DOCK9: variants seen among roughly 807,000 people sequenced by gnomAD.
DOCK9 encodes the protein dedicator of cytokinesis 9.
In DOCK9, 89 loss-of-function variants were observed where a neutral mutation model predicts 263.3. The observed-to-expected ratio is 0.34, with a 90% CI of 0.28 to 0.40. The LOEUF (loss-of-function observed/expected upper bound fraction) is 0.40, where lower values mean the gene tolerates loss of function less well. Ranked by LOEUF, DOCK9 falls within the 10% of genes least tolerant of loss-of-function variation. DOCK9 has a pLI of 1.00. For missense variants in DOCK9, 2,140 were observed against 2,603.4 expected, an observed-to-expected ratio of 0.82 and a Z score of 3.87; for synonymous variants, 976 against 973.1, an observed-to-expected ratio of 1.00 and a Z score of -0.06.
At chr13:98,863,153 G>C (rs575505417) in intron 31 of DOCK9, 21 bp from the exon 32 acceptor site, 9 of 1,584,310 alleles carry the variant, frequency 5.7e-6, no homozygotes, top group Non-Finnish European at 7.7e-6. Flanking sequence ...GACACACATG[G>C]TAAGTTTGAC....
At position 98,860,257 on chromosome 13, in the gene DOCK9, G is replaced by A. The variant is rs1377379865; in HGVS notation, c.3697+148C>T. ...GCATGGCTGAGGGGTTTCAGTTGTT[G>A]ACTATCACAAGCAGGAAAAGAATAC... is the stretch of plus-strand genomic sequence containing the variant. On this transcript the variant is annotated intron_variant, in intron 33 of 52. Coordinates refer to ENST00000682017, the MANE Select transcript of DOCK9 (RefSeq NM_001366683.2). 7 of 1,464,710 alleles carry A rather than the reference G, an allele frequency of 4.8e-6. No individual in the cohort carries two copies. In the African/African-American group the frequency reaches 8.5e-5, roughly 18 times the overall value. 90.7% of individuals were successfully genotyped at this position (1,464,710 alleles called of 1,614,324 possible). A position where few individuals can be genotyped will look rare whatever the true frequency, so the allele number is the denominator to read the frequency against.
chr13:98,936,876 T>C (rs1324250187), intron 2 of DOCK9, among the ~76,000 whole-genome samples: 4 of 152,202 alleles, frequency 2.6e-5, no homozygotes, highest in Non-Finnish European at 5.9e-5. Context: ...GCCAAACTAA[T>C]TCACACTAAA....
In DOCK9 at chr13:98,809,372, G is replaced by A. The variant is rs775084852; in HGVS notation, c.5347C>T (p.Arg1783Trp). The change falls in exon 47 of 53, where the codon CGG (arginine) becomes TGG (tryptophan). Residue 1783 changes from arginine to tryptophan, a missense_variant. Arg to Trp is a moderately radical substitution (Grantham distance 101, BLOSUM62 -3). Transcript: ENST00000682017. ...CTCACCTGCCCGAAGAAGGCTACCC[G>A]GAAGTAGGTCCCCAGAAGCCTGCGG... Reference protein sequence around the residue: ...SGRRLLGTYFRVAFFGQGFFE... With the variant: ...SGRRLLGTYFWVAFFGQGFFE... 3 of 1,613,544 alleles carry A rather than the reference G, an allele frequency of 1.9e-6. No homozygotes were observed. The highest frequency in any genetic ancestry group is 2.5e-6 in the Non-Finnish European group (3 of 1,179,854).
intron 27 of DOCK9, among the ~76,000 whole-genome samples, chr13:98,870,196 A>G (rs2142164734): frequency 6.6e-6 from 1 of 152,360 alleles, no homozygotes; most frequent in Admixed American, 6.5e-5. Context: ...GCCAGAACCT[A>G]TTAGGAATAT....
chr13:98,904,810 G>A, intron 9 of DOCK9, 104 bp from the exon 10 acceptor site: 1 of 988,478 alleles, frequency 1.0e-6, no homozygotes, highest in Admixed American at 2.5e-5. Flanking sequence ...GAGGCTGCTG[G>A]AAAGCTCTGC....
chr13:98,850,198 T>C (rs2093521766), intron 35 of DOCK9, 85 bp from the exon 36 acceptor site: 1 of 1,037,212 alleles, frequency 9.6e-7, no homozygotes, highest in Non-Finnish European at 1.4e-6. Context: ...GGAAGGAACC[T>C]TGGAGTGTAG....
In DOCK9 at chr13:98,873,446, T is replaced by C. The variant is rs192779173; in HGVS notation, c.2944-5069A>G. Among the ~76,000 whole-genome samples, 248 of 152,336 alleles carry C rather than the reference T, an allele frequency of 1.6e-3. 1 individual carries two copies. Among genetic ancestry groups the C allele is most frequent in the South Asian group, 2.9e-3 (14 of 4,828 alleles). ...AGTATCTGTTCTCTCTTCCCTCTCA[T>C]GGTAATAGAACCTCAACTTTTAACT... On this transcript the variant is annotated intron_variant, in intron 27 of 52. Transcript: ENST00000682017.
At position 98,885,845 on chromosome 13, in the gene DOCK9, C is replaced by T. The variant is rs2045613688; in HGVS notation, c.2137-14G>A. On this transcript the variant is annotated splice_polypyrimidine_tract_variant and intron_variant, in intron 19 of 52. Coordinates refer to ENST00000682017, the MANE Select transcript of DOCK9 (RefSeq NM_001366683.2). ...CTCTATTTTAATCTGCAAGGGAAGACAAAATAACAACAAAATATTCTAAAA... is the reference window on the plus strand; with the variant it reads ...CTCTATTTTAATCTGCAAGGGAAGATAAAATAACAACAAAATATTCTAAAA... The T allele has an allele frequency of 6.3e-7, 1 of 1,590,392 alleles. No homozygotes were observed. Among genetic ancestry groups the T allele is most frequent in the Non-Finnish European group, 8.5e-7 (1 of 1,172,076 alleles).
intron 1 of DOCK9, among the ~76,000 whole-genome samples, chr13:99,046,535 C>T (rs1476046128): frequency 1.3e-5 from 2 of 152,156 alleles, no homozygotes; most frequent in African/African-American, 2.4e-5. Context: ...GGACTTGTCT[C>T]GACAGTAAAC....
chr13:98,928,764 C>T (rs1017625639), intron 3 of DOCK9, among the ~76,000 whole-genome samples: 8 of 152,132 alleles, frequency 5.3e-5, no homozygotes, highest in Non-Finnish European at 8.8e-5. Context: ...CAAAAATTGG[C>T]TACAGGCTGG....
At chr13:98,954,159 A>C (rs1595608641) in intron 2 of DOCK9, among the ~76,000 whole-genome samples, 1 of 152,068 alleles carries the variant, frequency 6.6e-6, no homozygotes, top group South Asian at 2.1e-4. Context: ...TTTTCATGTC[A>C]ATTATTTCAA....
intron 2 of DOCK9, among the ~76,000 whole-genome samples, chr13:98,953,649 C>G (rs1231283366): frequency 1.3e-5 from 2 of 152,230 alleles, no homozygotes; most frequent in African/African-American, 4.8e-5. Context: ...TCAGACAACA[C>G]TACAGGAAAA....
intron 2 of DOCK9, among the ~76,000 whole-genome samples, chr13:98,944,835 A>C (rs2056499380): frequency 6.6e-6 from 1 of 152,222 alleles, no homozygotes; most frequent in South Asian, 2.1e-4. Context: ...GGCTGGCACA[A>C]ATACAAAGTT....
At position 98,923,356 on chromosome 13, in the gene DOCK9, C is replaced by T; in HGVS notation, c.432G>A (p.Leu144=). ...CATAGACATGAACTGGAAGTTTATC[C>T]AACTTGACCACTTTGCTATAAAAAC... ...FRQLPNKVVK[L]DKLPVHVYEV... The change falls in exon 5 of 53, where the codon TTG becomes TTA. Residue 144 remains leucine (L), a synonymous_variant. Transcript: ENST00000682017. 1.2e-6 allele frequency: 2 copies of T among 1,613,834 alleles called. No homozygotes were observed. The highest frequency in any genetic ancestry group is 1.7e-6 in the Non-Finnish European group (2 of 1,179,768).
chr13:99,086,151 C>A, intron 1 of DOCK9: 1 of 1,398,544 alleles, frequency 7.2e-7, no homozygotes, highest in Non-Finnish European at 9.2e-7. Flanking sequence ...GACTAAGAGG[C>A]GCCCGGCCCG....
intron 1 of DOCK9, among the ~76,000 whole-genome samples, chr13:98,989,349 A>ATGATGATGATG (rs1567176819): frequency 1.0e-5 from 1 of 98,966 alleles, no homozygotes; most frequent in African/African-American, 3.7e-5. Flanking sequence ...TGATGATGAT[A>ATGATGATGATG]ATAATAATAA....
At chr13:98,954,863 TACACACACACAC>T (rs71719426) in intron 2 of DOCK9, among the ~76,000 whole-genome samples, 18 of 146,478 alleles carry the variant, frequency 1.2e-4, no homozygotes, top group African/African-American at 3.8e-4. Context: ...TTATTCAAGA[TACACACACACAC>T]ACACACACAC....
At chr13:98,937,928 G>A (rs996447590) in intron 2 of DOCK9, among the ~76,000 whole-genome samples, 1 of 152,230 alleles carries the variant, frequency 6.6e-6, no homozygotes, top group African/African-American at 2.4e-5. Context: ...ACTGTGGGAA[G>A]CCACTTAGCC....
intron 1 of DOCK9, among the ~76,000 whole-genome samples, chr13:98,960,896 C>A (rs751733125): frequency 1.3e-5 from 2 of 152,206 alleles, no homozygotes; most frequent in Non-Finnish European, 2.9e-5. Context: ...TGAGCCTTCT[C>A]AAGGTTACAG....
Sources: allele counts gnomAD v4.1 joint callset (sites outside exome capture counted in the v4.1 genomes callset), GRCh38; gene constraint gnomAD v4.1.1; transcripts MANE v1.5; gene names NCBI Gene and HGNC (gene_info 2026-07-23, HGNC 2026-07-21).